Variants in WDR72 observed in about 807,000 individuals in gnomAD.
The protein encoded by WDR72 is WD repeat-containing protein 72.
A neutral mutation model predicts 124.2 loss-of-function variants in WDR72; 120 were observed. The observed-to-expected ratio is 0.97, with a 90% CI of 0.83 to 1.12. The LOEUF (loss-of-function observed/expected upper bound fraction) is 1.12, where lower values mean the gene tolerates loss of function less well. Among genes scored for constraint, WDR72 ranks in the 50% most tolerant of loss-of-function variants. WDR72 has a pLI of 0.00. For missense variants in WDR72, 1,387 were observed against 1,278.8 expected (o/e 1.08, Z -1.29); for synonymous variants, 452 against 441.7 (o/e 1.02, Z -0.29).
At chr15:53,542,608 ACAT>A (rs531178138) in intron 18 of WDR72, among the ~76,000 whole-genome samples, 179 of 17,808 alleles carry the variant, frequency 0.01, 8 homozygotes, top group African/African-American at 0.042. Context: ...TCACCAGCTA[ACAT>A]CATAATGACA....
At position 53,722,871 on chromosome 15, in the gene WDR72, G is replaced by A. The variant is rs774729040; in HGVS notation, c.191C>T (p.Ser64Leu). The A allele has an allele frequency of 5.3e-5, 85 of 1,614,086 alleles. No individual in the cohort carries two copies. The highest frequency in any genetic ancestry group is 1.3e-4 in the South Asian group (12 of 91,080). The change falls in exon 3 of 20, where the codon TCG becomes TTG. Residue 64 changes from serine to leucine, a missense_variant. Physicochemically the swap from Ser to Leu is moderately radical, Grantham distance 145. Coordinates refer to ENST00000360509, the MANE Select transcript of WDR72 (RefSeq NM_182758.4). ...CCTTGCTCTTGCCAAACATGTTACCGAAGCTGAATGACCAAATAGGAGTTC... is the reference window on the plus strand; with the variant it reads ...CCTTGCTCTTGCCAAACATGTTACCAAAGCTGAATGACCAAATAGGAGTTC... ...AKELLFGHSASVTCLARARDF... is the reference protein window; with the variant it reads ...AKELLFGHSALVTCLARARDF...
chr15:53,580,970 T>C (rs147660037), intron 18 of WDR72, among the ~76,000 whole-genome samples: 3 of 149,114 alleles, frequency 2.0e-5, no homozygotes, highest in African/African-American at 7.4e-5. Flanking sequence ...TTATTTGTTT[T>C]AAGCAATTGT....
chr15:53,667,595 C>T (rs1345315395), intron 13 of WDR72, among the ~76,000 whole-genome samples: 4 of 152,146 alleles, frequency 2.6e-5, no homozygotes, highest in African/African-American at 9.7e-5. Flanking sequence ...TTACTGCTTC[C>T]TGAAAACTAC....
Position 53,615,541 on chromosome 15 carries a change from C to A in WDR72, c.2665G>T (p.Glu889Ter). 1 of 1,612,970 alleles carries A rather than the reference C, an allele frequency of 6.2e-7. No individual in the cohort carries two copies. The highest frequency in any genetic ancestry group is 8.5e-7 in the Non-Finnish European group (1 of 1,179,440). The change falls in exon 15 of 20, where the codon GAA (glutamate) becomes TAA (stop). Residue 889 changes from glutamate (E) to a stop codon, truncating the protein, a stop_gained. Transcript: ENST00000360509. LOFTEE classifies it high-confidence loss of function. Reference sequence around the variant, plus strand: ...TCTCGCAAAGAATCACAATTATTTTCCAATCCTCTTGGAATTCCAACCTGA... The same window carrying A: ...TCTCGCAAAGAATCACAATTATTTTACAATCCTCTTGGAATTCCAACCTGA... The part of the protein sequence containing the change: ...PNQVGIPRGL[E>*]NNCDSLRESD...
intron 18 of WDR72, among the ~76,000 whole-genome samples, chr15:53,574,966 C>G (rs1273619405): frequency 6.6e-6 from 1 of 150,952 alleles, no homozygotes. Context: ...ACAAGCATTG[C>G]CCTAGAATAC....
intron 18 of WDR72, among the ~76,000 whole-genome samples, chr15:53,538,317 G>A (rs1892871044): frequency 6.6e-6 from 1 of 152,152 alleles, no homozygotes. Context: ...AACAGGTCTT[G>A]CACCATCACT....
At chr15:53,523,168 C>T in intron 19 of WDR72, 50 bp downstream of exon 19, 2 of 1,564,888 alleles carry the variant, frequency 1.3e-6, no homozygotes, top group Non-Finnish European at 8.8e-7. Flanking sequence ...GACCCCAAAG[C>T]TGTGTCAAAT....
intron 6 of WDR72, among the ~76,000 whole-genome samples, chr15:53,713,207 C>G (rs1246516058): frequency 8.4e-6 from 1 of 119,426 alleles, no homozygotes; most frequent in Non-Finnish European, 1.8e-5. Flanking sequence ...AAAAAAAAAG[C>G]TGTGATCAGG....
At chr15:53,662,844 C>T (rs748118907) in intron 14 of WDR72, among the ~76,000 whole-genome samples, 6 of 152,010 alleles carry the variant, frequency 3.9e-5, no homozygotes, top group Non-Finnish European at 5.9e-5. Flanking sequence ...GCAGGAGGAT[C>T]ACCTAAGGCA....
rs2017447210 is a variant in WDR72 at position 53,708,491 on chromosome 15, T to C, written c.954+2366A>G. Among the ~76,000 whole-genome samples the C allele has an allele frequency of 2.0e-5, 3 of 152,202 alleles. No homozygotes were observed. In the South Asian group the frequency reaches 6.2e-4, roughly 31 times the overall value. On this transcript the variant is annotated intron_variant, in intron 9 of 19. Transcript: ENST00000360509. ...AATTAATTTTAACAATTCTGGTAAT[T>C]CTTTTCTCAGAACAATTAAGAAACT...
At chr15:53,712,580 GTGAGAC>G (rs2017573523) in intron 7 of WDR72, among the ~76,000 whole-genome samples, 186 bp downstream of exon 7, 1 of 148,416 alleles carries the variant, frequency 6.7e-6, no homozygotes, top group African/African-American at 2.5e-5. Context: ...GGGAAACAGA[GTGAGAC>G]TGTCAACCAC....
chr15:53,713,618 A>T (rs976157474), intron 6 of WDR72, among the ~76,000 whole-genome samples: 6 of 144,902 alleles, frequency 4.1e-5, no homozygotes, highest in African/African-American at 1.5e-4. Flanking sequence ...TCCCTGCTAA[A>T]TTTTTTTTTT....
rs563231427 is a variant in WDR72, at chr15:53,685,638, C to T, written c.1765+14112G>A. ...TGGAACCAAGTTGGAAAACACGCTG[C>T]AGGATATTATCCAGGAGAACTTCCC... On this transcript the variant is annotated intron_variant, in intron 13 of 19. Transcript: ENST00000360509. Among the ~76,000 whole-genome samples, 26 of 150,798 alleles carry T rather than the reference C, an allele frequency of 1.7e-4. No individual in the cohort carries two copies. The East Asian group carries it at 5.0e-3, about 29-fold the overall frequency.
At position 53,699,897 on chromosome 15, in the gene WDR72, C is replaced by T. The variant is rs931697459; in HGVS notation, c.1618G>A (p.Ala540Thr). Reference sequence around the variant, plus strand: ...CTCTTTCCCTCAAGGTGAAGGAGAGCCACGGAATGGTCACCGCACACACAG... The same window carrying T: ...CTCTTTCCCTCAAGGTGAAGGAGAGTCACGGAATGGTCACCGCACACACAG... ...ICCVCGDHSVALLHLEGKSCL... is the reference protein window; with the variant it reads ...ICCVCGDHSVTLLHLEGKSCL... Residue 540 changes from alanine (A) to threonine (T), a missense_variant, in exon 13 of 20, where the codon GCT becomes ACT. By Grantham distance (58) the Ala-to-Thr change is moderately conservative. Coordinates refer to ENST00000360509, the MANE Select transcript of WDR72 (RefSeq NM_182758.4). 18 of 1,614,018 alleles carry T rather than the reference C, an allele frequency of 1.1e-5. No individual in the cohort carries two copies. Among genetic ancestry groups the T allele is most frequent in the Non-Finnish European group, 1.5e-5 (18 of 1,180,042 alleles).
intron 14 of WDR72, among the ~76,000 whole-genome samples, chr15:53,646,730 T>A (rs771533304): frequency 6.6e-6 from 1 of 151,960 alleles, no homozygotes; most frequent in African/African-American, 2.4e-5. Flanking sequence ...GAGAAATAAA[T>A]GTACAACAAA....
At chr15:53,578,272 G>A (rs1216850166) in intron 18 of WDR72, among the ~76,000 whole-genome samples, 1 of 152,114 alleles carries the variant, frequency 6.6e-6, no homozygotes. Flanking sequence ...GGTCAGTGGT[G>A]TGACAGAAGT....
intron 1 of WDR72, among the ~76,000 whole-genome samples, chr15:53,749,165 T>C (rs2018714063): frequency 6.6e-6 from 1 of 152,204 alleles, no homozygotes; most frequent in South Asian, 2.1e-4. Context: ...ACTTCTCAGA[T>C]AATTGTGTTT....
chr15:53,590,027 A>C (rs2012418897), intron 18 of WDR72, among the ~76,000 whole-genome samples: 3 of 152,068 alleles, frequency 2.0e-5, no homozygotes, highest in Non-Finnish European at 4.4e-5. Context: ...TTTTAAACCT[A>C]AATGACTACA....
Position 53,623,496 on chromosome 15 carries a change from C to CACACAT in WDR72, c.1963-7259_1963-7254dup, listed in dbSNP as rs200819187. On this transcript the variant is annotated intron_variant, in intron 14 of 19. Transcript: ENST00000360509. The stretch of plus-strand genomic sequence containing the variant: ...GCATTATATTATATATATATATATA[C>CACACAT]ACACATACACATACACATACACACA... 4.2e-4 allele frequency among the ~76,000 whole-genome samples: 61 copies of CACACAT among 144,690 alleles called. 1 individual carries two copies. Among genetic ancestry groups the CACACAT allele is most frequent in the Non-Finnish European group, 6.9e-4 (46 of 67,110 alleles). The allele number at this position is 144,690 out of a possible 152,430, so 94.9% of individuals were successfully genotyped here. A position where few individuals can be genotyped will look rare whatever the true frequency, so the allele number is the denominator to read the frequency against.
Sources: gnomAD v4.1 joint callset for allele counts (sites outside exome capture counted in the v4.1 genomes callset) on GRCh38, gnomAD v4.1.1 for gene constraint, MANE v1.5 for transcripts, NCBI Gene and HGNC (gene_info 2026-07-23, HGNC 2026-07-21) for gene names.